PTPN9: variants seen among roughly 807,000 people sequenced by gnomAD.
PTPN9 encodes the protein tyrosine-protein phosphatase non-receptor type 9.
PTPN9 carries 26 observed loss-of-function variants against 69.8 expected under a neutral mutation model. That is an observed-to-expected ratio of 0.37 (90% CI 0.27 to 0.52). PTPN9 has a LOEUF of 0.52. PTPN9 is among the 20% of genes least tolerant of loss of function. The pLI, the probability that PTPN9 is intolerant of heterozygous loss-of-function variation, is 0.91. For missense variants in PTPN9, 549 were observed against 740.3 expected (o/e 0.74, Z 3.00); for synonymous variants, 274 against 272.5 (o/e 1.01, Z -0.05).
At chr15:75,477,454 G>T (rs2141289933) in intron 9 of PTPN9, among the ~76,000 whole-genome samples, 1 of 152,250 alleles carries the variant, frequency 6.6e-6, no homozygotes, top group African/African-American at 2.4e-5. Context: ...AATTAGCCAG[G>T]CATGGTGGCA....
At chr15:75,506,301 C>G (rs191588877) in intron 6 of PTPN9, among the ~76,000 whole-genome samples, 2 of 152,158 alleles carry the variant, frequency 1.3e-5, no homozygotes, top group Non-Finnish European at 2.9e-5. Flanking sequence ...ATATTATTAA[C>G]AAGGCTTCCC....
At chr15:75,545,437 A>G (rs995135384) in intron 1 of PTPN9, among the ~76,000 whole-genome samples, 5 of 152,216 alleles carry the variant, frequency 3.3e-5, no homozygotes, top group African/African-American at 1.2e-4. Flanking sequence ...AAAACAAAAC[A>G]AAACAAAATA....
At chr15:75,498,457 G>A (rs1372984888) in intron 7 of PTPN9, among the ~76,000 whole-genome samples, 1 of 152,022 alleles carries the variant, frequency 6.6e-6, no homozygotes, top group Non-Finnish European at 1.5e-5. Flanking sequence ...GCTCACACCT[G>A]TAATCCCAGC....
chr15:75,557,043 C>T (rs182375973), intron 1 of PTPN9, among the ~76,000 whole-genome samples: 85 of 152,220 alleles, frequency 5.6e-4, no homozygotes, highest in African/African-American at 1.8e-3. Context: ...CTTTTAAGGC[C>T]GAGTAATATT....
intron 1 of PTPN9, among the ~76,000 whole-genome samples, chr15:75,543,135 T>C (rs2075016643): frequency 6.6e-6 from 1 of 152,004 alleles, no homozygotes; most frequent in East Asian, 1.9e-4. Context: ...TTGCTGAGAA[T>C]GATGTTTTCC....
At chr15:75,474,549 A>C (rs954131345) in intron 9 of PTPN9, among the ~76,000 whole-genome samples, 1 of 152,136 alleles carries the variant, frequency 6.6e-6, no homozygotes, top group Non-Finnish European at 1.5e-5. Context: ...TTATCTTGCA[A>C]CTTTCTTATC....
At position 75,523,101 on chromosome 15, in the gene PTPN9, A is replaced by G; in HGVS notation, c.422+20T>C. On this transcript the variant is annotated intron_variant, in intron 4 of 12. Coordinates refer to ENST00000618819, the MANE Select transcript of PTPN9 (RefSeq NM_002833.4). ...TCCTACCTGCATGTAGAATACCTAAAAAATAATCTCAATGCTTACCTATCC... is the reference window on the plus strand; with the variant it reads ...TCCTACCTGCATGTAGAATACCTAAGAAATAATCTCAATGCTTACCTATCC... 1 of 1,604,750 alleles carries G rather than the reference A, an allele frequency of 6.2e-7. No homozygotes were observed. The highest frequency in any genetic ancestry group is 8.5e-7 in the Non-Finnish European group (1 of 1,177,552).
intron 9 of PTPN9, among the ~76,000 whole-genome samples, chr15:75,477,987 C>T (rs995961924): frequency 1.1e-4 from 16 of 150,942 alleles, no homozygotes; most frequent in African/African-American, 3.9e-4. Flanking sequence ...ACTACAGGCA[C>T]CCACCACCAC....
At chr15:75,550,015 C>T (rs2075050469) in intron 1 of PTPN9, among the ~76,000 whole-genome samples, 1 of 151,856 alleles carries the variant, frequency 6.6e-6, no homozygotes, top group South Asian at 2.1e-4. Flanking sequence ...TGATAAACTC[C>T]TTTTTCCGTT....
intron 1 of PTPN9, among the ~76,000 whole-genome samples, chr15:75,564,594 CAA>C (rs201990920): frequency 9.7e-5 from 10 of 102,632 alleles, no homozygotes; most frequent in African/African-American, 1.6e-4. Context: ...GACTACGTCT[CAA>C]AAAAAAAAAA....
chr15:75,503,399 G>C (rs1342766543), intron 7 of PTPN9, among the ~76,000 whole-genome samples: 4 of 142,200 alleles, frequency 2.8e-5, no homozygotes, highest in African/African-American at 1.1e-4. Context: ...CCTCCGCCCA[G>C]CATCCGCCCC....
intron 8 of PTPN9, among the ~76,000 whole-genome samples, chr15:75,486,237 C>T (rs1188316018): frequency 6.6e-6 from 1 of 152,152 alleles, no homozygotes. Flanking sequence ...TTGTGTCCCC[C>T]ATAACTTCAA....
At chr15:75,484,219 A>G (rs548912782) in intron 8 of PTPN9, among the ~76,000 whole-genome samples, 11 of 152,350 alleles carry the variant, frequency 7.2e-5, no homozygotes, top group African/African-American at 1.4e-4. Context: ...ATATAACTCA[A>G]TAGAAACTGT....
intron 1 of PTPN9, among the ~76,000 whole-genome samples, chr15:75,530,219 GAAAA>G (rs1219618172): frequency 7.8e-6 from 1 of 128,728 alleles, no homozygotes; most frequent in Non-Finnish European, 1.6e-5. Flanking sequence ...AAAAAAAAAA[GAAAA>G]GAAAGAAAGA....
At chr15:75,545,987 A>G (rs968092476) in intron 1 of PTPN9, among the ~76,000 whole-genome samples, 5 of 152,320 alleles carry the variant, frequency 3.3e-5, no homozygotes, top group African/African-American at 1.2e-4. Context: ...TTTGTAAAAT[A>G]AGTAAGACAT....
chr15:75,509,359 T>C (rs533524506), intron 5 of PTPN9, among the ~76,000 whole-genome samples: 50 of 152,244 alleles, frequency 3.3e-4, no homozygotes, highest in African/African-American at 6.7e-4. Flanking sequence ...TTATTAAAAC[T>C]TGAAGGAAAA....
At chr15:75,477,903 C>T (rs2141290281) in intron 9 of PTPN9, among the ~76,000 whole-genome samples, 1 of 146,794 alleles carries the variant, frequency 6.8e-6, no homozygotes, top group South Asian at 2.1e-4. Context: ...TGCAATGGCG[C>T]AGTCGCAGTC....
intron 10 of PTPN9, among the ~76,000 whole-genome samples, chr15:75,471,616 A>AG (rs988643525): frequency 4.0e-5 from 6 of 151,118 alleles, no homozygotes; most frequent in East Asian, 2.0e-4. Flanking sequence ...AAAGAAAAAA[A>AG]AAAAAAAAAA....
intron 2 of PTPN9, among the ~76,000 whole-genome samples, chr15:75,524,524 TC>T (rs1377502064): frequency 6.6e-6 from 1 of 152,182 alleles, no homozygotes; most frequent in Non-Finnish European, 1.5e-5. Flanking sequence ...ACGCCTGTAA[TC>T]CCACCACTTT....
Sources: gnomAD v4.1 joint callset for allele counts (sites outside exome capture counted in the v4.1 genomes callset) on GRCh38, gnomAD v4.1.1 for gene constraint, MANE v1.5 for transcripts, NCBI Gene and HGNC (gene_info 2026-07-23, HGNC 2026-07-21) for gene names.